Variants in CTNNA3 observed in about 807,000 individuals in gnomAD.
The protein encoded by CTNNA3 is catenin alpha-3.
CTNNA3 carries 76 observed loss-of-function variants against 95.7 expected under a neutral mutation model. The ratio of observed to expected loss-of-function variants is 0.79; its 90% CI spans 0.66 to 0.96. The LOEUF is 0.96. CTNNA3 is among the 40% of genes least tolerant of loss of function. The pLI is 0.00. For missense variants in CTNNA3, 1,191 were observed against 1,089.8 expected (o/e 1.09, Z -1.31); for synonymous variants, 431 against 374.4 (o/e 1.15, Z -1.74).
rs141696519 is a variant in CTNNA3 at position 66,586,986 on chromosome 10, C to A, written c.1374+34706G>T. On this transcript the variant is annotated intron_variant, in intron 10 of 17. Transcript: ENST00000433211. The stretch of plus-strand genomic sequence containing the variant: ...GCTGTCCAGTGGGGCTGCCACAGTT[C>A]AGGCTGTACTGGAGAATATCTGCAA... 1.7e-4 allele frequency among the ~76,000 whole-genome samples: 26 copies of A among 152,270 alleles called. 1 individual carries two copies. In the East Asian group the frequency reaches 5.0e-3, roughly 29 times the overall value.
intron 7 of CTNNA3, among the ~76,000 whole-genome samples, chr10:67,031,078 T>C (rs1468777407): frequency 2.0e-5 from 3 of 152,220 alleles, no homozygotes; most frequent in Non-Finnish European, 4.4e-5. Context: ...TACCCCGTCA[T>C]ACTTGACTTC....
At chr10:66,831,072 T>G (rs1842704862) in intron 7 of CTNNA3, among the ~76,000 whole-genome samples, 1 of 152,194 alleles carries the variant, frequency 6.6e-6, no homozygotes, top group South Asian at 2.1e-4. Context: ...AAATAGCCTC[T>G]TCAATACTCC....
intron 16 of CTNNA3, 24 bp downstream of exon 16, chr10:65,988,668 G>A: frequency 6.3e-7 from 1 of 1,576,100 alleles, no homozygotes; most frequent in African/African-American, 1.3e-5. Context: ...GAACTTTTAT[G>A]ATGTCCACTT....
chr10:65,949,606 A>G (rs1311755940), intron 17 of CTNNA3, among the ~76,000 whole-genome samples: 2 of 152,180 alleles, frequency 1.3e-5, no homozygotes, highest in Non-Finnish European at 2.9e-5. Flanking sequence ...CCTGGAACTA[A>G]TAAGAAAATT....
At chr10:66,397,400 C>G (rs987095979) in intron 11 of CTNNA3, among the ~76,000 whole-genome samples, 1 of 151,706 alleles carries the variant, frequency 6.6e-6, no homozygotes, top group African/African-American at 2.4e-5. Context: ...AGCTTAACAT[C>G]CTTAGTTCTT....
rs190222677 is a variant in CTNNA3, at chr10:67,059,446, G to A, written c.1047+120871C>T. 4.9e-3 allele frequency among the ~76,000 whole-genome samples: 751 copies of A among 152,264 alleles called. 3 individuals are homozygous for A. The highest frequency in any genetic ancestry group is 0.027 in the Middle Eastern group (8 of 294). On this transcript the variant is annotated intron_variant, in intron 7 of 17. Coordinates refer to ENST00000433211, the MANE Select transcript of CTNNA3 (RefSeq NM_013266.4). The stretch of plus-strand genomic sequence containing the variant: ...TTGGAGGGGTATTTGGGCACAGACA[G>A]ATTGTAAGAGACACTCGATGGCAAG...
At chr10:66,158,100 C>A (rs1321011152) in intron 13 of CTNNA3, among the ~76,000 whole-genome samples, 1 of 152,020 alleles carries the variant, frequency 6.6e-6, no homozygotes, top group Non-Finnish European at 1.5e-5. Context: ...GATTTTCTCC[C>A]ACTCTGTGGG....
At chr10:66,380,605 C>A (rs1483528628) in intron 11 of CTNNA3, among the ~76,000 whole-genome samples, 4 of 67,244 alleles carry the variant, frequency 5.9e-5, no homozygotes, top group South Asian at 1.0e-3. Context: ...GAGGCCCTAT[C>A]TATCTATCTA....
At chr10:66,764,896 C>T (rs1158224653) in intron 9 of CTNNA3, among the ~76,000 whole-genome samples, 3 of 152,114 alleles carry the variant, frequency 2.0e-5, no homozygotes, top group Admixed American at 1.3e-4. Context: ...TATGAAGAGG[C>T]CCAAAGGTTT....
chr10:67,456,589 C>G (rs1362011551), intron 5 of CTNNA3, among the ~76,000 whole-genome samples: 1 of 152,066 alleles, frequency 6.6e-6, no homozygotes, highest in Non-Finnish European at 1.5e-5. Flanking sequence ...TCAAAACCAC[C>G]CTTTAGGGTT....
At chr10:66,920,460 G>A (rs1020510313) in intron 7 of CTNNA3, among the ~76,000 whole-genome samples, 1 of 152,058 alleles carries the variant, frequency 6.6e-6, no homozygotes, top group African/African-American at 2.4e-5. Flanking sequence ...AAATCTTTTG[G>A]CTCTACTGCC....
chr10:67,634,715 T>C (rs1839250137), intron 2 of CTNNA3, among the ~76,000 whole-genome samples: 1 of 151,654 alleles, frequency 6.6e-6, no homozygotes, highest in African/African-American at 2.4e-5. Context: ...ACAACAAAGA[T>C]CAAAAAAGAC....
intron 4 of CTNNA3, among the ~76,000 whole-genome samples, chr10:67,529,322 AT>A (rs1203717081): frequency 2.0e-4 from 31 of 152,100 alleles, no homozygotes; most frequent in Non-Finnish European, 3.2e-4. Flanking sequence ...ACACAAAGAA[AT>A]GATAAATGCT....
chr10:65,961,434 C>T (rs954995282), intron 17 of CTNNA3, among the ~76,000 whole-genome samples: 3 of 152,040 alleles, frequency 2.0e-5, no homozygotes, highest in Admixed American at 6.6e-5. Context: ...ATAATTTTGC[C>T]GGTTGCATCC....
intron 12 of CTNNA3, among the ~76,000 whole-genome samples, chr10:66,322,972 C>G (rs947555373): frequency 4.0e-5 from 6 of 151,634 alleles, no homozygotes; most frequent in Non-Finnish European, 7.4e-5. Flanking sequence ...CCAAGAACTC[C>G]CATACTCCTG....
At chr10:66,647,946 AT>A (rs1845764444) in intron 9 of CTNNA3, among the ~76,000 whole-genome samples, 1 of 152,158 alleles carries the variant, frequency 6.6e-6, no homozygotes. Context: ...CTGCCTATAG[AT>A]TGTTTGGAGA....
intron 9 of CTNNA3, among the ~76,000 whole-genome samples, chr10:66,687,022 C>A (rs752569870): frequency 5.3e-5 from 8 of 151,830 alleles, no homozygotes; most frequent in Non-Finnish European, 1.0e-4. Context: ...TTGATGATAT[C>A]TTTGATACAA....
intron 3 of CTNNA3, among the ~76,000 whole-genome samples, chr10:67,572,307 TA>T (rs1842004809): frequency 6.6e-6 from 1 of 152,302 alleles, no homozygotes; most frequent in African/African-American, 2.4e-5. Flanking sequence ...AGTGCTGAGC[TA>T]AAGTATAGCT....
At chr10:66,044,570 G>C (rs2079785454) in intron 15 of CTNNA3, among the ~76,000 whole-genome samples, 1 of 152,012 alleles carries the variant, frequency 6.6e-6, no homozygotes, top group African/African-American at 2.4e-5. Flanking sequence ...TATCTATGAT[G>C]ACTATTCTAT....
Sources: gnomAD v4.1 joint callset for allele counts (sites outside exome capture counted in the v4.1 genomes callset) on GRCh38, gnomAD v4.1.1 for gene constraint, MANE v1.5 for transcripts, NCBI Gene and HGNC (gene_info 2026-07-23, HGNC 2026-07-21) for gene names.